Variants in POLR1A observed in about 807,000 individuals in gnomAD.
POLR1A encodes DNA-directed RNA polymerase I subunit RPA1.
A neutral mutation model predicts 205.3 loss-of-function variants in POLR1A; 84 were observed. The ratio of observed to expected loss-of-function variants is 0.41; its 90% CI spans 0.34 to 0.49. The LOEUF (loss-of-function observed/expected upper bound fraction) is 0.49. Among genes scored for constraint, POLR1A ranks in the 20% least tolerant of loss-of-function variants. The probability of loss-of-function intolerance (pLI) is 0.22; values close to 1 mark genes in which losing one functional copy is unlikely to be tolerated. For synonymous variants in POLR1A, 799 were observed against 863.7 expected, an observed-to-expected ratio of 0.93 and a Z score of 1.31; for missense variants, 1,645 against 2,204.5, an observed-to-expected ratio of 0.75 and a Z score of 5.08.
At chr2:86,045,389 G>A in intron 20 of POLR1A, 29 bp from the exon 21 acceptor site, 1 of 1,553,900 alleles carries the variant, frequency 6.4e-7, no homozygotes, top group Non-Finnish European at 8.9e-7. Flanking sequence ...AGGTCCCAAA[G>A]GTGACAGTGA....
chr2:86,054,163 G>T lies in POLR1A; in HGVS notation c.2185C>A (p.Pro729Thr). Residue 729 changes from proline (P) to threonine (T), a missense_variant, in exon 15 of 34, where the codon CCT becomes ACT. Physicochemically the swap from Pro to Thr is conservative, Grantham distance 38. Around this residue, in one of 16 missense-constraint regions of POLR1A, gnomAD observed 339 missense variants for 415.1 expected, o/e 0.82. Transcript: ENST00000263857. The stretch of plus-strand genomic sequence containing the variant: ...ACCTGGGACTCGCACATCGAGTCAG[G>T]GTTAAAGCCAGGAACGGATCGAGGA... Reference protein sequence around the residue: ...ETPRSVPGFNPDSMCESQVII... With the variant: ...ETPRSVPGFNTDSMCESQVII... 1 of 1,613,926 alleles carries T rather than the reference G, an allele frequency of 6.2e-7. No homozygotes were observed. The highest frequency in any genetic ancestry group is 8.5e-7 in the Non-Finnish European group (1 of 1,179,860).
intron 12 of POLR1A, among the ~76,000 whole-genome samples, chr2:86,071,344 A>AT (rs1290631973): frequency 6.6e-6 from 1 of 151,992 alleles, no homozygotes; most frequent in African/African-American, 2.4e-5. Flanking sequence ...AGGCTGGAGT[A>AT]TAGTGGTACA....
chr2:86,095,480 CA>C (rs1260037079), intron 3 of POLR1A, among the ~76,000 whole-genome samples: 1 of 152,118 alleles, frequency 6.6e-6, no homozygotes, highest in East Asian at 1.9e-4. Flanking sequence ...CACGTTGCTT[CA>C]AAAATAATCA....
chr2:86,064,589 CGTGA>C (rs1673054412), intron 14 of POLR1A, among the ~76,000 whole-genome samples: 1 of 149,530 alleles, frequency 6.7e-6, no homozygotes, highest in African/African-American at 2.6e-5. Flanking sequence ...GCAGATTAGT[CGTGA>C]GTATTAAATC....
intron 2 of POLR1A, among the ~76,000 whole-genome samples, chr2:86,099,063 C>T (rs374425924): frequency 4.7e-4 from 71 of 152,166 alleles, no homozygotes; most frequent in Non-Finnish European, 7.9e-4. Flanking sequence ...CAGCCAGGTG[C>T]GGTGGCTCAT....
chr2:86,077,811 G>GCACACA (rs56874564), intron 11 of POLR1A, 48 bp downstream of exon 11: 25 of 187,182 alleles, frequency 1.3e-4, no homozygotes, highest in South Asian at 5.1e-4. Context: ...ACGCGCGCGC[G>GCACACA]CACACACACA....
intron 14 of POLR1A, 123 bp from the exon 15 acceptor site, chr2:86,054,412 A>G: frequency 1.2e-6 from 1 of 858,920 alleles, no homozygotes; most frequent in Non-Finnish European, 1.8e-6. Context: ...TTGCAATGCC[A>G]TTTCTGATGA....
Position 86,028,032 on chromosome 2 carries a change from G to A in POLR1A, c.4915C>T (p.Arg1639Cys). The change falls in exon 33 of 34, where the codon CGC becomes TGC. Residue 1639 changes from arginine (R) to cysteine (C), a missense_variant. Coordinates refer to ENST00000263857, the MANE Select transcript of POLR1A (RefSeq NM_015425.6). The surrounding 1 kb of genome is among the most constrained non-coding windows in gnomAD (Gnocchi z 4.5). ...FAVYGIAVDP[R>C]HLSLVADYMC... Reference sequence around the variant, plus strand: ...TAATCAGCAACCAGGGAGAGATGGCGAGGGTCGACCGCGATGCCTGTCAAA... The same window carrying A: ...TAATCAGCAACCAGGGAGAGATGGCAAGGGTCGACCGCGATGCCTGTCAAA... The A allele has an allele frequency of 1.9e-6, 3 of 1,614,162 alleles. No individual in the cohort carries two copies. Among genetic ancestry groups the A allele is most frequent in the Non-Finnish European group, 2.5e-6 (3 of 1,180,016 alleles).
rs989540892 is a variant in POLR1A, at chr2:86,028,893, G to A, written c.4780-182C>T. 1.1e-4 allele frequency: 65 copies of A among 581,416 alleles called. No homozygotes were observed. In the South Asian group the frequency reaches 1.2e-3, roughly 10 times the overall value. 36.0% of individuals were successfully genotyped at this position (581,416 alleles called of 1,614,324 possible). A position where few individuals can be genotyped will look rare whatever the true frequency, so the allele number is the denominator to read the frequency against. On this transcript the variant is annotated intron_variant, in intron 31 of 33. Transcript: ENST00000263857. This position sits in a 1 kb window ranked among gnomAD's most constrained non-coding sequence, Gnocchi z 4.5. ...GAAATGGCTAGGCAGAGCTGCTGACGGCTCGCTGGCCGGGGCCCAAGGTCT... is the reference window on the plus strand; with the variant it reads ...GAAATGGCTAGGCAGAGCTGCTGACAGCTCGCTGGCCGGGGCCCAAGGTCT...
rs1364322912 is a variant in POLR1A, at chr2:86,027,158, T to C, written c.*265A>G. The C allele has an allele frequency of 5.6e-6, 3 of 532,922 alleles. No homozygotes were observed. The highest frequency in any genetic ancestry group is 6.8e-6 in the Non-Finnish European group (2 of 295,234). The allele number at this position is 532,922 out of a possible 1,614,324, so 33.0% of individuals were successfully genotyped here. ...CAGCACAGGTGAGGCCCCAGCCATC[T>C]CAGGGGGACTCAGAAGACTTGGTAA... On this transcript the variant is annotated 3_prime_UTR_variant, in exon 34 of 34. Coordinates refer to ENST00000263857, the MANE Select transcript of POLR1A (RefSeq NM_015425.6).
chr2:86,044,118 C>A lies in POLR1A; in HGVS notation c.3135+21G>T. The stretch of plus-strand genomic sequence containing the variant: ...GGAGGCCTACTGCTCGGCCCCCAGG[C>A]TCCGGGATCTAGCACACTACCTCGT... On this transcript the variant is annotated intron_variant, in intron 22 of 33. Transcript: ENST00000263857. 3 of 1,613,174 alleles carry A rather than the reference C, an allele frequency of 1.9e-6. No individual in the cohort carries two copies. The South Asian group carries it at 3.3e-5, about 18-fold the overall frequency.
At chr2:86,090,718 G>A (rs1673586938) in intron 3 of POLR1A, among the ~76,000 whole-genome samples, 1 of 152,200 alleles carries the variant, frequency 6.6e-6, no homozygotes, top group East Asian at 1.9e-4. Flanking sequence ...GGCCTTGAGT[G>A]CATTTTCCAA....
intron 26 of POLR1A, 31 bp downstream of exon 26, chr2:86,039,296 C>A: frequency 6.2e-7 from 1 of 1,611,760 alleles, no homozygotes; most frequent in Non-Finnish European, 8.5e-7. Flanking sequence ...TGCCTTCACC[C>A]CGTCTGCAAC....
rs554154126 is a variant in POLR1A at position 86,025,485 on chromosome 2, T to A, written c.*1938A>T. 6.6e-6 allele frequency: 1 copy of A among 152,258 alleles called. No individual in the cohort carries two copies. The highest frequency in any genetic ancestry group is 1.5e-5 in the Non-Finnish European group (1 of 68,044). The allele number at this position is 152,258 out of a possible 1,614,324, so 9.4% of individuals were successfully genotyped here. On this transcript the variant is annotated 3_prime_UTR_variant, in exon 34 of 34. Coordinates refer to ENST00000263857, the MANE Select transcript of POLR1A (RefSeq NM_015425.6). ...CAAATGTCTGTTTAAAAACCAGACA[T>A]GCTGTCTTAATACTCATCCATCAGG...
rs1171407555 is a variant in POLR1A, at chr2:86,022,812, T to C, written c.*4611A>G. 6.6e-6 allele frequency: 1 copy of C among 152,060 alleles called. No homozygotes were observed. The highest frequency in any genetic ancestry group is 6.6e-5 in the Admixed American group (1 of 15,262). The allele number at this position is 152,060 out of a possible 1,614,324, so 9.4% of individuals were successfully genotyped here. On this transcript the variant is annotated 3_prime_UTR_variant, in exon 34 of 34. Coordinates refer to ENST00000263857, the MANE Select transcript of POLR1A (RefSeq NM_015425.6). ...CCAGGCTAGTCTCAAACTCCTAAGCTCAAGTGATCCTCCTGCCTGAGTCTC... is the reference window on the plus strand; with the variant it reads ...CCAGGCTAGTCTCAAACTCCTAAGCCCAAGTGATCCTCCTGCCTGAGTCTC...
In POLR1A at chr2:86,028,042, C is replaced by G. The variant is rs34899463; in HGVS notation, c.4905G>C (p.Ala1635=). 5 of 1,613,956 alleles carry G rather than the reference C, an allele frequency of 3.1e-6. No homozygotes were observed. The highest frequency in any genetic ancestry group is 2.5e-6 in the Non-Finnish European group (3 of 1,179,988). ...CCAGGGAGAGATGGCGAGGGTCGAC[C>G]GCGATGCCTGTCAAACGGGAGGTAA... ...IKDVFAVYGI[A]VDPRHLSLVA... Residue 1635 remains alanine (A), a synonymous_variant, in exon 33 of 34, where the codon GCG becomes GCC. Transcript: ENST00000263857. This position sits in a 1 kb window ranked among gnomAD's most constrained non-coding sequence, Gnocchi z 4.5.
At position 86,065,253 on chromosome 2, in the gene POLR1A, T is replaced by C. The variant is rs367650260; in HGVS notation, c.2058+21A>G. The C allele has an allele frequency of 2.3e-5, 37 of 1,606,144 alleles. No individual in the cohort carries two copies. The African/African-American group carries it at 2.7e-4, about 12-fold the overall frequency. On this transcript the variant is annotated intron_variant, in intron 14 of 33. Coordinates refer to ENST00000263857, the MANE Select transcript of POLR1A (RefSeq NM_015425.6). The stretch of plus-strand genomic sequence containing the variant: ...GCCTATTTCCTTTTGTTACATACAC[T>C]GGCTGTTCTCTCCCAATTACCTGTT...
Position 86,054,125 on chromosome 2 carries a change from G to T in POLR1A, c.2208+15C>A. On this transcript the variant is annotated intron_variant, in intron 15 of 33. Transcript: ENST00000263857. ...GCACTAGAAGTCTCCACTCCACACA[G>T]CTGGACAGCCATACCTGGGACTCGC... 3 of 1,613,506 alleles carry T rather than the reference G, an allele frequency of 1.9e-6. No homozygotes were observed. Among genetic ancestry groups the T allele is most frequent in the Non-Finnish European group, 2.5e-6 (3 of 1,179,536 alleles).
intron 14 of POLR1A, among the ~76,000 whole-genome samples, chr2:86,057,197 C>A (rs2104402513): frequency 6.6e-6 from 1 of 152,186 alleles, no homozygotes; most frequent in East Asian, 1.9e-4. Context: ...TTGATTCCAA[C>A]CCTTAAGTAT....
Sources: allele counts gnomAD v4.1 joint callset (sites outside exome capture counted in the v4.1 genomes callset), GRCh38; gene constraint gnomAD v4.1.1; regional missense constraint gnomAD v4.1.1; non-coding constraint Gnocchi (gnomAD v3.1); transcripts MANE v1.5; gene names NCBI Gene and HGNC (gene_info 2026-07-23, HGNC 2026-07-21).